The following CTNNA2 variants were observed in gnomAD, a reference collection of about 807,000 sequenced individuals.
The protein encoded by CTNNA2 is catenin alpha 2.
A neutral mutation model predicts 101.0 loss-of-function variants in CTNNA2; 42 were observed. That is an observed-to-expected ratio of 0.42 (90% CI 0.32 to 0.54). The LOEUF is 0.54. Among genes scored for constraint, CTNNA2 ranks in the 20% least tolerant of loss-of-function variants. CTNNA2 has a pLI of 0.14. For missense variants in CTNNA2, 871 were observed against 1,223.1 expected, an observed-to-expected ratio of 0.71 and a Z score of 4.29; for synonymous variants, 450 against 456.4, an observed-to-expected ratio of 0.99 and a Z score of 0.18.
intron 7 of CTNNA2, among the ~76,000 whole-genome samples, chr2:80,026,627 C>T (rs1694949468): frequency 6.6e-6 from 1 of 152,032 alleles, no homozygotes; most frequent in South Asian, 2.1e-4. Flanking sequence ...AGCAACTGTC[C>T]TTTTGAAAAT....
intron 2 of CTNNA2, among the ~76,000 whole-genome samples, chr2:79,671,444 A>G (rs2104585296): frequency 6.6e-6 from 1 of 152,346 alleles, no homozygotes; most frequent in Middle Eastern, 3.4e-3. Context: ...AAAGATGGCA[A>G]GAAGCTCTTA....
chr2:79,759,885 G>A (rs1402607098), intron 3 of CTNNA2, among the ~76,000 whole-genome samples: 11 of 152,136 alleles, frequency 7.2e-5, no homozygotes, highest in Admixed American at 5.2e-4. Flanking sequence ...AAATCCAGTT[G>A]CTTAAATCAA....
intron 7 of CTNNA2, among the ~76,000 whole-genome samples, chr2:80,071,826 G>A (rs111834800): frequency 7.9e-4 from 120 of 152,248 alleles, no homozygotes; most frequent in African/African-American, 2.7e-3. Context: ...TGGCAAAGGT[G>A]GTACCACATG....
intron 3 of CTNNA2, among the ~76,000 whole-genome samples, chr2:79,822,654 A>G (rs1678100815): frequency 2.0e-5 from 3 of 151,810 alleles, no homozygotes; most frequent in Non-Finnish European, 4.4e-5. Context: ...CCAAATCCCT[A>G]TTGCTCTCTT....
At chr2:79,198,514 ACT>A (rs937080956) in intron 2 of CTNNA2, among the ~76,000 whole-genome samples, 1 of 152,190 alleles carries the variant, frequency 6.6e-6, no homozygotes, top group Admixed American at 6.5e-5. Flanking sequence ...TTGAAGAGTG[ACT>A]CTCTCTGAGG....
At chr2:79,660,004 A>G (rs914374653) in intron 2 of CTNNA2, among the ~76,000 whole-genome samples, 18 of 152,164 alleles carry the variant, frequency 1.2e-4, no homozygotes, top group African/African-American at 4.3e-4. Context: ...AAAAAGAATA[A>G]TAATAAAACT....
intron 12 of CTNNA2, chr2:80,572,783 G>A (rs1694708730): frequency 6.6e-6 from 1 of 152,124 alleles, no homozygotes; most frequent in Non-Finnish European, 1.5e-5. Flanking sequence ...AAGCCCAAAT[G>A]AAAAATTCAA....
chr2:79,480,844 C>A (rs1382311370), intron 4 of CTNNA2, among the ~76,000 whole-genome samples: 1 of 152,070 alleles, frequency 6.6e-6, no homozygotes. Flanking sequence ...CCGTGGTTTG[C>A]ATCATTAATC....
chr2:80,589,858 CTCTG>C (rs1231930301), intron 15 of CTNNA2, among the ~76,000 whole-genome samples: 2 of 123,312 alleles, frequency 1.6e-5, no homozygotes, highest in African/African-American at 3.4e-5. Flanking sequence ...AAATATGTAC[CTCTG>C]TGTGTGTGTG....
At chr2:80,224,101 A>G (rs909339171) in intron 7 of CTNNA2, among the ~76,000 whole-genome samples, 2 of 151,834 alleles carry the variant, frequency 1.3e-5, no homozygotes, top group African/African-American at 2.4e-5. Flanking sequence ...TGACACATAA[A>G]CTCTCTTGTC....
intron 9 of CTNNA2, among the ~76,000 whole-genome samples, chr2:80,518,107 G>A (rs1004959401): frequency 6.6e-6 from 1 of 152,180 alleles, no homozygotes; most frequent in African/African-American, 2.4e-5. Flanking sequence ...TATATTAAAA[G>A]CTTTGAATTT....
At chr2:79,382,570 A>C (rs1029249878) in intron 4 of CTNNA2, among the ~76,000 whole-genome samples, 1 of 152,158 alleles carries the variant, frequency 6.6e-6, no homozygotes, top group African/African-American at 2.4e-5. Context: ...CATTAGGAGG[A>C]ATTTTATAGC....
chr2:80,216,199 C>T (rs1289346549), intron 7 of CTNNA2, among the ~76,000 whole-genome samples: 1 of 152,168 alleles, frequency 6.6e-6, no homozygotes, highest in African/African-American at 2.4e-5. Context: ...TCCCCGACCC[C>T]TTGTGCTTCC....
At chr2:80,062,152 G>C (rs1200575972) in intron 7 of CTNNA2, among the ~76,000 whole-genome samples, 1 of 152,170 alleles carries the variant, frequency 6.6e-6, no homozygotes, top group East Asian at 1.9e-4. Context: ...GATGAATATT[G>C]TCTTCAGCTT....
intron 3 of CTNNA2, among the ~76,000 whole-genome samples, chr2:79,780,254 C>T (rs760704178): frequency 1.3e-5 from 2 of 152,120 alleles, no homozygotes; most frequent in East Asian, 1.9e-4. Flanking sequence ...AAGTTGTGGC[C>T]GGGCCACCAT....
chr2:79,558,933 T>G (rs1312080050), intron 1 of CTNNA2, among the ~76,000 whole-genome samples: 1 of 151,770 alleles, frequency 6.6e-6, no homozygotes, highest in African/African-American at 2.4e-5. Flanking sequence ...CTCCTTTCTC[T>G]CTCCTCTCTT....
intron 2 of CTNNA2, among the ~76,000 whole-genome samples, chr2:79,277,903 C>T (rs1675255352): frequency 6.6e-6 from 1 of 152,024 alleles, no homozygotes; most frequent in Non-Finnish European, 1.5e-5. Context: ...GCTCCAAAGC[C>T]CTCTAGAGGT....
In CTNNA2 at chr2:79,645,226, A is replaced by G. The variant is rs114168615; in HGVS notation, c.-5-6326A>G. On this transcript the variant is annotated intron_variant, in intron 1 of 18. Coordinates refer to ENST00000402739, the MANE Select transcript of CTNNA2 (RefSeq NM_001282597.3). ...AGTCTCAAACTTCTGGACTCAAGCA[A>G]TCTTCCCATCTCAGCCTCCCAAAGT... Among the ~76,000 whole-genome samples, 1,274 of 152,150 alleles carry G rather than the reference A, an allele frequency of 8.4e-3. 16 individuals are homozygous for G. Among genetic ancestry groups the G allele is most frequent in the African/African-American group, 0.029 (1,210 of 41,518 alleles).
At chr2:80,083,071 C>G (rs931601584) in intron 7 of CTNNA2, among the ~76,000 whole-genome samples, 8 of 152,048 alleles carry the variant, frequency 5.3e-5, no homozygotes, top group African/African-American at 1.7e-4. Context: ...AGTTACCTCC[C>G]TCCTTCTGTT....
Sources: allele counts gnomAD v4.1 joint callset (sites outside exome capture counted in the v4.1 genomes callset), GRCh38; gene constraint gnomAD v4.1.1; transcripts MANE v1.5; gene names NCBI Gene and HGNC (gene_info 2026-07-23, HGNC 2026-07-21).